Variants in WDR45 observed in about 807,000 individuals in gnomAD.
WDR45 encodes the protein WD repeat domain phosphoinositide-interacting protein 4.
In WDR45, 2 loss-of-function variants were observed where a neutral mutation model predicts 27.3. The observed-to-expected ratio is 0.07, with a 90% confidence interval of 0.03 to 0.23. The LOEUF (loss-of-function observed/expected upper bound fraction) is 0.23, where lower values mean the gene tolerates loss of function less well. Ranked by LOEUF, WDR45 falls within the 10% of genes least tolerant of loss-of-function variation. The pLI is 1.00. For synonymous variants in WDR45, 99 were observed against 119.2 expected (o/e 0.83, Z 1.11); for missense variants, 175 against 311.9 (o/e 0.56, Z 3.31).
At chrX:49,096,252 G>GAGAC (rs2065125288) in intron 2 of WDR45, among the ~76,000 whole-genome samples, 1 of 110,154 alleles carries the variant, frequency 9.1e-6, no homozygotes, top group Non-Finnish European at 1.9e-5. Context: ...TCTCTTTTTT[G>GAGAC]AGACAGGTTT....
chrX:49,084,930 C>T (rs9698131), intron 2 of WDR45, among the ~76,000 whole-genome samples: 7,917 of 111,424 alleles, frequency 0.071, 730 homozygotes, highest in African/African-American at 0.25. Flanking sequence ...CCACCGCGCC[C>T]GGCTGAAACA....
rs372576067 is a variant in WDR45 at position 49,074,784 on chromosome X, A to C, written c.*19T>G. ...TGCAGTTCTGCCACTGCAGGTCCCT[A>C]GCACAGCCCCCAGGGTCCTTAAAAG... is the stretch of plus-strand genomic sequence containing the variant. On this transcript the variant is annotated 3_prime_UTR_variant, in exon 11 of 11. Transcript: ENST00000376372. The C allele has an allele frequency of 4.2e-6, 5 of 1,181,291 alleles. No individual in the cohort carries two copies. The Admixed American group carries it at 8.7e-5, about 21-fold the overall frequency.
chrX:49,083,316 GTTTTTTTT>G (rs781995765), upstream of WDR45, among the ~76,000 whole-genome samples: 2 of 72,040 alleles, frequency 2.8e-5, no homozygotes, highest in Admixed American at 1.5e-4. Flanking sequence ...CCGGCCTCTC[GTTTTTTTT>G]TTTTTTTTTT....
At chrX:49,084,481 A>G (rs1479011660), upstream of WDR45, among the ~76,000 whole-genome samples, 2 of 109,652 alleles carry the variant, frequency 1.8e-5, no homozygotes, top group Non-Finnish European at 3.8e-5. Flanking sequence ...CCTTGAGGCT[A>G]GGAGTTTGAG....
chrX:49,095,744 G>A (rs1362847703), intron 2 of WDR45, among the ~76,000 whole-genome samples: 1 of 91,710 alleles, frequency 1.1e-5, no homozygotes, highest in Non-Finnish European at 2.1e-5. Context: ...ACAGGTGTGA[G>A]CCACCGTGCC....
In WDR45 at chrX:49,078,034, C is replaced by T; in HGVS notation, c.55+7G>A. On this transcript the variant is annotated splice_region_variant and intron_variant, in intron 2 of 10. Transcript: ENST00000376372. ...CCCACAAGGGTACAGGCCCAATCCTCTCTCACTTTGGTCTTGGTTGAAACG... is the reference window on the plus strand; with the variant it reads ...CCCACAAGGGTACAGGCCCAATCCTTTCTCACTTTGGTCTTGGTTGAAACG... 1 of 1,212,290 alleles carries T rather than the reference C, an allele frequency of 8.2e-7. No individual in the cohort carries two copies. Among genetic ancestry groups the T allele is most frequent in the African/African-American group, 1.7e-5 (1 of 57,965 alleles).
upstream of WDR45, among the ~76,000 whole-genome samples, chrX:49,084,537 G>C (rs1277171695): frequency 1.8e-5 from 2 of 110,198 alleles, no homozygotes; most frequent in Non-Finnish European, 3.8e-5. Flanking sequence ...AAGGTGTCAT[G>C]CACTCTCAGT....
At position 49,096,816 on chromosome X, in the gene WDR45, C is replaced by CA. The variant is rs782808544; in HGVS notation, c.-18+3388dup. On this transcript the variant is annotated intron_variant, in intron 2 of 11. Coordinates refer to the WDR45 transcript ENST00000356463. ...GTCGCCAGGCTGGAGTGCAGTGGCA[C>CA]AATATCGGCTCACTACAACCTCCGC... Among the ~76,000 whole-genome samples the CA allele has an allele frequency of 4.3e-3, 483 of 111,271 alleles. 2 individuals are homozygous for CA. Among genetic ancestry groups the CA allele is most frequent in the African/African-American group, 0.015 (448 of 30,568 alleles).
intron 2 of WDR45, among the ~76,000 whole-genome samples, chrX:49,099,964 T>G (rs12008292): frequency 4.6e-5 from 5 of 109,645 alleles, no homozygotes; most frequent in African/African-American, 1.7e-4. Context: ...GTTTCTAAGC[T>G]AATTAAGGGA....
rs977449523 is a variant in WDR45 at position 49,091,150 on chromosome X, C to T, written c.-18+9055G>A. 1.0e-4 allele frequency among the ~76,000 whole-genome samples: 11 copies of T among 110,391 alleles called. No individual in the cohort carries two copies. The South Asian group carries it at 3.1e-3, about 31-fold the overall frequency. On this transcript the variant is annotated intron_variant, in intron 2 of 11. Coordinates refer to the WDR45 transcript ENST00000356463. ...CAATAACTTTTATAGAGTGAAAGAA[C>T]TTAGAGAGAGCTAGTCTTGGTGGCT... is the stretch of plus-strand genomic sequence containing the variant.
chrX:49,075,746 G>A lies in WDR45; in HGVS notation c.524C>T (p.Ala175Val), dbSNP rs192312429. 13 of 1,204,078 alleles carry A rather than the reference G, an allele frequency of 1.1e-5. No individual in the cohort carries two copies. In the Admixed American group the frequency reaches 1.8e-4, roughly 17 times the overall value. The change falls in exon 8 of 11, where the codon GCG becomes GTG. Residue 175 changes from alanine (A) to valine (V), a missense_variant. Physicochemically the swap from Ala to Val is moderately conservative, Grantham distance 64 (BLOSUM62 0). This residue lies in a region of WDR45 where 102 missense variants were observed against 165.4 expected (regional missense o/e 0.62). Transcript: ENST00000376372. Reference sequence around the variant, plus strand: ...AGACGAGGTGCCAGGCTTTGTGCTCGCCAGGTCCTGGGGTAGGAGGGAGGA... The same window carrying A: ...AGACGAGGTGCCAGGCTTTGTGCTCACCAGGTCCTGGGGTAGGAGGGAGGA... ...KCGSLQLVDL[A>V]STKPGTSSAP... is the part of the protein sequence containing the mutation.
intron 9 of WDR45, 38 bp from the exon 10 acceptor site, chrX:49,075,319 G>A (rs1422702663): frequency 1.7e-6 from 2 of 1,207,953 alleles, no homozygotes; most frequent in East Asian, 3.0e-5. Context: ...TATGGTAAAT[G>A]GGCAGGGGGA....
intron 2 of WDR45, among the ~76,000 whole-genome samples, chrX:49,094,303 T>C (rs1444599635): frequency 9.0e-6 from 1 of 110,753 alleles, no homozygotes; most frequent in Non-Finnish European, 1.9e-5. Context: ...ATCCCGTCTT[T>C]ACTAAAATTG....
At chrX:49,095,314 C>T (rs1354528084) in intron 2 of WDR45, among the ~76,000 whole-genome samples, 1 of 109,167 alleles carries the variant, frequency 9.2e-6, no homozygotes, top group Non-Finnish European at 1.9e-5. Context: ...GAGTTCGAGA[C>T]TGGCCTGAGC....
chrX:49,076,349 C>T, intron 6 of WDR45, 81 bp downstream of exon 6: 1 of 1,032,407 alleles, frequency 9.7e-7, no homozygotes, highest in Admixed American at 2.3e-5. Context: ...GTGAGTGCCC[C>T]TTCCTTTCTT....
chrX:49,078,369 A>T (rs1488427353), intron 1 of WDR45, among the ~76,000 whole-genome samples: 1 of 112,154 alleles, frequency 8.9e-6, no homozygotes, highest in Non-Finnish European at 1.9e-5. Flanking sequence ...TAAAAATACA[A>T]AAGTTAGCCG....
chrX:49,089,976 G>A (rs1010142885), intron 2 of WDR45, among the ~76,000 whole-genome samples: 4 of 110,741 alleles, frequency 3.6e-5, no homozygotes, highest in East Asian at 2.8e-4. Context: ...AAATACATTC[G>A]TGGTTTTTAG....
chrX:49,082,513 G>T (rs1158127418), upstream of WDR45, among the ~76,000 whole-genome samples: 1 of 110,701 alleles, frequency 9.0e-6, no homozygotes, highest in African/African-American at 3.3e-5. Context: ...GCTTTCTTCA[G>T]ACTCCACTTC....
At position 49,075,213 on chromosome X, in the gene WDR45, C is replaced by G; in HGVS notation, c.896G>C (p.Ser299Thr). Reference sequence around the variant, plus strand: ...AGCTGACTCAGCAGGCACAGTGAAGCTCGCCAGGCTCCACTGAGAGTCCAC... The same window carrying G: ...AGCTGACTCAGCAGGCACAGTGAAGGTCGCCAGGCTCCACTGAGAGTCCAC... ...QYVDSQWSLA[S>T]FTVPAESACI... The change falls in exon 10 of 11, where the codon AGC becomes ACC. Residue 299 changes from serine (S) to threonine (T), a missense_variant. Coordinates refer to ENST00000376372, the MANE Select transcript of WDR45 (RefSeq NM_001029896.2). 2.5e-6 allele frequency: 3 copies of G among 1,212,213 alleles called. No individual in the cohort carries two copies. Among genetic ancestry groups the G allele is most frequent in the Non-Finnish European group, 3.3e-6 (3 of 895,599 alleles).
Sources: allele counts gnomAD v4.1 joint callset (sites outside exome capture counted in the v4.1 genomes callset), GRCh38; gene constraint gnomAD v4.1.1; regional missense constraint gnomAD v4.1.1; transcripts MANE v1.5; gene names NCBI Gene and HGNC (gene_info 2026-07-23, HGNC 2026-07-21).